Variants in PCDHAC1 observed in about 807,000 individuals in gnomAD.
PCDHAC1 encodes the protein protocadherin alpha subfamily C, 1, also known as protocadherin alpha-C1.
In PCDHAC1, 42 loss-of-function variants were observed where a neutral mutation model predicts 60.0. The observed-to-expected ratio is 0.70, with a 90% CI of 0.55 to 0.90. The LOEUF is 0.90. Among genes scored for constraint, PCDHAC1 ranks in the 40% least tolerant of loss-of-function variants. The pLI, the probability that PCDHAC1 is intolerant of heterozygous loss-of-function variation, is 0.00. For missense variants in PCDHAC1, 1,160 were observed against 1,222.3 expected, an observed-to-expected ratio of 0.95 and a Z score of 0.76; for synonymous variants, 468 against 499.3, an observed-to-expected ratio of 0.94 and a Z score of 0.84.
At chr5:140,994,226 G>A (rs2097606248) in intron 3 of PCDHAC1, among the ~76,000 whole-genome samples, 1 of 152,162 alleles carries the variant, frequency 6.6e-6, no homozygotes. Flanking sequence ...GTCTGTCTAT[G>A]TTATAATCAA....
chr5:140,995,434 A>G (rs146744164), intron 3 of PCDHAC1, among the ~76,000 whole-genome samples: 4 of 152,320 alleles, frequency 2.6e-5, no homozygotes, highest in African/African-American at 7.2e-5. Context: ...ACAGCTTGCA[A>G]TTTAAAACTT....
At chr5:140,982,592 C>G (rs376230429) in intron 3 of PCDHAC1, 29 bp downstream of exon 3, 3 of 1,610,372 alleles carry the variant, frequency 1.9e-6, no homozygotes, top group Non-Finnish European at 2.5e-6. Flanking sequence ...TCCATTCTTT[C>G]TTGGTTTCTG....
intron 1 of PCDHAC1, among the ~76,000 whole-genome samples, chr5:140,947,689 G>A (rs1276078725): frequency 2.0e-5 from 3 of 151,490 alleles, no homozygotes; most frequent in African/African-American, 4.8e-5. Context: ...GTCTCAGCAT[G>A]TTCTGTAGTT....
At chr5:140,968,683 A>G (rs782664501) in intron 1 of PCDHAC1, 7 of 1,614,164 alleles carry the variant, frequency 4.3e-6, no homozygotes. Flanking sequence ...AGCTGCACAC[A>G]GGAGAAATTA....
At position 140,933,976 on chromosome 5, in the gene PCDHAC1, A is replaced by G. The variant is rs1359426492; in HGVS notation, c.2433+4651A>G. ...ATCTGTAGTGATGTTTCCCTTTTCA[A>G]TCCTGGTGTTAGTGTCACCTCTCAT... On this transcript the variant is annotated intron_variant, in intron 1 of 3. Coordinates refer to ENST00000253807, the MANE Select transcript of PCDHAC1 (RefSeq NM_018898.5). Among the ~76,000 whole-genome samples, 3 of 151,666 alleles carry G rather than the reference A, an allele frequency of 2.0e-5. No homozygotes were observed. The East Asian group carries it at 5.8e-4, about 29-fold the overall frequency.
At chr5:141,001,144 C>T (rs1225047253) in intron 3 of PCDHAC1, among the ~76,000 whole-genome samples, 3 of 151,960 alleles carry the variant, frequency 2.0e-5, no homozygotes, top group Non-Finnish European at 4.4e-5. Context: ...TCTTCTGTTG[C>T]TCTGATCTTA....
chr5:140,984,091 T>G (rs1357477287), intron 3 of PCDHAC1, among the ~76,000 whole-genome samples: 1 of 152,204 alleles, frequency 6.6e-6, no homozygotes. Context: ...GAAGAAATGA[T>G]GGAGGAGGAA....
At chr5:140,966,836 C>T in intron 1 of PCDHAC1, 1 of 1,565,250 alleles carries the variant, frequency 6.4e-7, no homozygotes, top group Non-Finnish European at 8.6e-7. Context: ...GCCCTGGCTG[C>T]TGCTACTGCC....
At chr5:140,940,498 C>T (rs185491489) in intron 1 of PCDHAC1, among the ~76,000 whole-genome samples, 7 of 151,984 alleles carry the variant, frequency 4.6e-5, no homozygotes, top group Non-Finnish European at 8.8e-5. Flanking sequence ...AGTCTTGCTC[C>T]GTCGCTCAGG....
chr5:140,927,169 T>A lies in PCDHAC1; in HGVS notation c.277T>A (p.Cys93Ser). ...ACAGCTGTGCAGGGCCAAAGCTGCC[T>A]GCGTCTTGACCTACGACCTGGTGCT... ...REQLCRAKAA[C>S]VLTYDLVLED... is the part of the protein sequence containing the mutation. Residue 93 changes from cysteine (C) to serine (S), a missense_variant, in exon 1 of 4, where the codon TGC becomes AGC. Coordinates refer to ENST00000253807, the MANE Select transcript of PCDHAC1 (RefSeq NM_018898.5). The A allele has an allele frequency of 6.2e-7, 1 of 1,614,172 alleles. No individual in the cohort carries two copies. The highest frequency in any genetic ancestry group is 8.5e-7 in the Non-Finnish European group (1 of 1,180,030).
chr5:141,009,501 C>T (rs2098410009), intron 3 of PCDHAC1, 126 bp from the exon 4 acceptor site: 4 of 1,492,480 alleles, frequency 2.7e-6, no homozygotes, highest in Non-Finnish European at 3.6e-6. Context: ...CAGACTTGAA[C>T]AAACAACTCG....
At chr5:141,008,985 A>G (rs566679512) in intron 3 of PCDHAC1, among the ~76,000 whole-genome samples, 2 of 152,240 alleles carry the variant, frequency 1.3e-5, no homozygotes, top group South Asian at 4.1e-4. Context: ...AGTTTAATCT[A>G]GACACTAAAA....
intron 3 of PCDHAC1, among the ~76,000 whole-genome samples, chr5:141,005,701 CAAAAAAA>C (rs59860837): frequency 1.3e-4 from 1 of 7,786 alleles, no homozygotes; most frequent in African/African-American, 4.7e-4. Context: ...AACTCCGTCT[CAAAAAAA>C]AAAAAAAAAA....
At chr5:140,987,211 C>A (rs1190567678) in intron 3 of PCDHAC1, among the ~76,000 whole-genome samples, 1 of 145,070 alleles carries the variant, frequency 6.9e-6, no homozygotes, top group South Asian at 2.1e-4. Flanking sequence ...GAGACTCCAT[C>A]TCAAAAAAAA....
intron 2 of PCDHAC1, among the ~76,000 whole-genome samples, chr5:140,980,472 A>G (rs782408123): frequency 6.6e-6 from 1 of 152,210 alleles, no homozygotes; most frequent in Non-Finnish European, 1.5e-5. Context: ...TCTACTAAAA[A>G]TACAAAAATT....
Position 140,926,812 on chromosome 5 carries a change from G to C in PCDHAC1, c.-81G>C. The C allele has an allele frequency of 2.1e-6, 3 of 1,459,082 alleles. No individual in the cohort carries two copies. Among genetic ancestry groups the C allele is most frequent in the Non-Finnish European group, 1.8e-6 (2 of 1,108,808 alleles). 90.4% of individuals were successfully genotyped at this position (1,459,082 alleles called of 1,614,324 possible). A position where few individuals can be genotyped will look rare whatever the true frequency, so the allele number is the denominator to read the frequency against. On this transcript the variant is annotated 5_prime_UTR_variant, in exon 1 of 4. Transcript: ENST00000253807. ...AGGAGCGTGCTCTTCCCCGCGGCTC[G>C]TGCTCTCCAGGAGTCCGGAGCATGG... is the stretch of plus-strand genomic sequence containing the variant.
At chr5:140,931,508 A>G (rs1214894603) in intron 1 of PCDHAC1, among the ~76,000 whole-genome samples, 8 of 152,078 alleles carry the variant, frequency 5.3e-5, no homozygotes, top group Non-Finnish European at 1.0e-4. Flanking sequence ...TTAAACATAT[A>G]TGAATGATTA....
Position 141,010,284 on chromosome 5 carries a change from A to G in PCDHAC1, c.*347A>G. 6.4e-7 allele frequency: 1 copy of G among 1,551,156 alleles called. No homozygotes were observed. Among genetic ancestry groups the G allele is most frequent in the Non-Finnish European group, 8.7e-7 (1 of 1,146,860 alleles). On this transcript the variant is annotated 3_prime_UTR_variant, in exon 4 of 4. Coordinates refer to ENST00000253807, the MANE Select transcript of PCDHAC1 (RefSeq NM_018898.5). ...GCTCCGGGGATCCTGTCTTGATGACACTTGCAGGGCAGGCTGAAAAGTTTT... is the reference window on the plus strand; with the variant it reads ...GCTCCGGGGATCCTGTCTTGATGACGCTTGCAGGGCAGGCTGAAAAGTTTT...
chr5:140,966,918 A>T, intron 1 of PCDHAC1: 1 of 1,602,744 alleles, frequency 6.2e-7, no homozygotes. Flanking sequence ...GTGCCAGAGG[A>T]GCAGGCACCC....
Sources: allele counts gnomAD v4.1 joint callset (sites outside exome capture counted in the v4.1 genomes callset), GRCh38; gene constraint gnomAD v4.1.1; transcripts MANE v1.5; gene names NCBI Gene and HGNC (gene_info 2026-07-23, HGNC 2026-07-21).